The following PTPRD variants were observed in gnomAD, a reference collection of about 807,000 sequenced individuals.
The protein encoded by PTPRD is protein tyrosine phosphatase receptor type D.
A neutral mutation model predicts 214.5 loss-of-function variants in PTPRD; 34 were observed. That is an observed-to-expected ratio of 0.16 (90% CI 0.12 to 0.21). PTPRD has a LOEUF of 0.21. Ranked by LOEUF, PTPRD falls within the 10% of genes least tolerant of loss-of-function variation. PTPRD has a pLI of 1.00. For missense variants in PTPRD, 2,545 were observed against 2,398.7 expected, an observed-to-expected ratio of 1.06 and a Z score of -1.27; for synonymous variants, 1,128 against 845.7, an observed-to-expected ratio of 1.33 and a Z score of -5.79.
chr9:9,830,442 T>G (rs1325712296), intron 5 of PTPRD, among the ~76,000 whole-genome samples: 1 of 151,950 alleles, frequency 6.6e-6, no homozygotes, highest in African/African-American at 2.4e-5. Flanking sequence ...ACATAAAGTA[T>G]GATCCTATTT....
Position 9,710,288 on chromosome 9 carries a change from C to T in PTPRD, c.-287+24245G>A, listed in dbSNP as rs113771667. 9.1e-3 allele frequency among the ~76,000 whole-genome samples: 1,383 copies of T among 152,054 alleles called. 13 individuals carry two copies. Among genetic ancestry groups the T allele is most frequent in the Middle Eastern group, 0.02 (6 of 294 alleles). ...ATTTGGCTAATTTACATAGCTAATCCATAGCAAAAAGAAGGCAAAGCCCAG... is the reference window on the plus strand; with the variant it reads ...ATTTGGCTAATTTACATAGCTAATCTATAGCAAAAAGAAGGCAAAGCCCAG... On this transcript the variant is annotated intron_variant, in intron 7 of 45. Transcript: ENST00000381196.
intron 3 of PTPRD, among the ~76,000 whole-genome samples, chr9:10,156,794 T>G (rs2099096089): frequency 6.6e-6 from 1 of 152,184 alleles, no homozygotes; most frequent in African/African-American, 2.4e-5. Context: ...TTTTAAGAAC[T>G]TGCTTTATGA....
intron 9 of PTPRD, among the ~76,000 whole-genome samples, chr9:9,196,149 A>T (rs914681587): frequency 6.6e-6 from 1 of 152,168 alleles, no homozygotes; most frequent in Non-Finnish European, 1.5e-5. Flanking sequence ...TTATCTGCCC[A>T]TAAGAATAAA....
intron 14 of PTPRD, among the ~76,000 whole-genome samples, chr9:8,624,213 A>T (rs1180203370): frequency 6.6e-6 from 1 of 151,724 alleles, no homozygotes; most frequent in Non-Finnish European, 1.5e-5. Context: ...CAAATGTAAC[A>T]GGGGGAAAAA....
At chr9:9,322,907 T>A (rs546862623) in intron 9 of PTPRD, among the ~76,000 whole-genome samples, 1 of 152,328 alleles carries the variant, frequency 6.6e-6, no homozygotes, top group African/African-American at 2.4e-5. Flanking sequence ...ACAGTATTTC[T>A]GTATGCACAT....
chr9:8,766,954 A>G (rs569070509), intron 11 of PTPRD, among the ~76,000 whole-genome samples: 3 of 152,282 alleles, frequency 2.0e-5, no homozygotes, highest in African/African-American at 7.2e-5. Context: ...ACCTATCAAC[A>G]ATGTTAAGTG....
intron 14 of PTPRD, among the ~76,000 whole-genome samples, chr9:8,567,241 C>A (rs1386080955): frequency 6.6e-6 from 1 of 152,162 alleles, no homozygotes; most frequent in South Asian, 2.1e-4. Context: ...CAAGGCTGCT[C>A]TTATTTTTCA....
chr9:9,945,438 A>T (rs757063990), intron 4 of PTPRD, among the ~76,000 whole-genome samples: 18 of 152,182 alleles, frequency 1.2e-4, no homozygotes, highest in South Asian at 4.1e-4. Context: ...ATATGAAGAT[A>T]AAAATCAAGA....
At position 9,332,513 on chromosome 9, in the gene PTPRD, G is replaced by A. The variant is rs750240811; in HGVS notation, c.-203+64936C>T. 2.7e-5 allele frequency among the ~76,000 whole-genome samples: 4 copies of A among 150,780 alleles called. No individual in the cohort carries two copies. The South Asian group carries it at 6.3e-4, about 24-fold the overall frequency. On this transcript the variant is annotated intron_variant, in intron 9 of 45. Transcript: ENST00000381196. Reference sequence around the variant, plus strand: ...AATATAGAAAGTAAATGCGATAGTCGAGGAAAGATAATCTGTTTCATTTAT... The same window carrying A: ...AATATAGAAAGTAAATGCGATAGTCAAGGAAAGATAATCTGTTTCATTTAT...
chr9:10,031,700 C>G (rs2097081806), intron 4 of PTPRD, among the ~76,000 whole-genome samples: 2 of 141,114 alleles, frequency 1.4e-5, no homozygotes, highest in South Asian at 4.5e-4. Flanking sequence ...TTAGTTCTGT[C>G]CCTACTACAA....
intron 4 of PTPRD, among the ~76,000 whole-genome samples, chr9:10,025,544 A>G (rs1305312972): frequency 6.6e-6 from 1 of 152,202 alleles, no homozygotes; most frequent in Non-Finnish European, 1.5e-5. Flanking sequence ...TCATAGGAGA[A>G]TTCACATTTC....
rs35015743 is a variant in PTPRD, at chr9:9,352,310, CATAT to C, written c.-203+45135_-203+45138del. Among the ~76,000 whole-genome samples, 859 of 141,022 alleles carry C rather than the reference CATAT, an allele frequency of 6.1e-3. 8 individuals are homozygous for C. Among genetic ancestry groups the C allele is most frequent in the Non-Finnish European group, 7.6e-3 (501 of 66,238 alleles). 92.5% of individuals were successfully genotyped at this position (141,022 alleles called of 152,430 possible). A position where few individuals can be genotyped will look rare whatever the true frequency, so the allele number is the denominator to read the frequency against. ...AACACAAACAATACTGCCAAAAAACCATATATATATATATATATGTGTGTGTGTG... is the reference window on the plus strand; with the variant it reads ...AACACAAACAATACTGCCAAAAAACCATATATATATATATGTGTGTGTGTG... On this transcript the variant is annotated intron_variant, in intron 9 of 45. Coordinates refer to ENST00000381196, the MANE Select transcript of PTPRD (RefSeq NM_002839.4).
At chr9:10,366,054 T>C (rs901878802) in intron 2 of PTPRD, among the ~76,000 whole-genome samples, 14 of 152,276 alleles carry the variant, frequency 9.2e-5, no homozygotes, top group Non-Finnish European at 1.9e-4. Flanking sequence ...CAACATAGAT[T>C]TCATTATCAG....
intron 8 of PTPRD, among the ~76,000 whole-genome samples, chr9:9,513,167 C>T (rs2096750558): frequency 6.6e-6 from 1 of 151,850 alleles, no homozygotes; most frequent in Non-Finnish European, 1.5e-5. Flanking sequence ...TAAATGGCCA[C>T]AGTCTTTTCA....
At chr9:9,124,534 A>C (rs1034751978) in intron 10 of PTPRD, among the ~76,000 whole-genome samples, 3 of 152,208 alleles carry the variant, frequency 2.0e-5, no homozygotes, top group African/African-American at 7.2e-5. Context: ...AAGACTAAAA[A>C]CAATCAAGCA....
intron 11 of PTPRD, among the ~76,000 whole-genome samples, chr9:9,008,334 T>G (rs999825761): frequency 6.6e-6 from 1 of 151,556 alleles, no homozygotes; most frequent in Non-Finnish European, 1.5e-5. Context: ...TTCATGTCAC[T>G]CTCCTGCCTC....
At chr9:10,243,680 T>C (rs1450402217) in intron 3 of PTPRD, among the ~76,000 whole-genome samples, 2 of 151,966 alleles carry the variant, frequency 1.3e-5, no homozygotes, top group Non-Finnish European at 2.9e-5. Flanking sequence ...ATAGTAACAA[T>C]AGTAACTACA....
chr9:9,442,975 A>G (rs186182508), intron 8 of PTPRD, among the ~76,000 whole-genome samples: 198 of 152,134 alleles, frequency 1.3e-3, no homozygotes, highest in African/African-American at 4.6e-3. Flanking sequence ...GTACATATAT[A>G]TGTGTGTGTG....
At chr9:9,595,351 T>A (rs910131353) in intron 7 of PTPRD, among the ~76,000 whole-genome samples, 24 of 146,224 alleles carry the variant, frequency 1.6e-4, no homozygotes, top group Non-Finnish European at 1.6e-4. Context: ...TGTATATTCA[T>A]CATATATATG....
Sources: gnomAD v4.1 joint callset for allele counts (sites outside exome capture counted in the v4.1 genomes callset) on GRCh38, gnomAD v4.1.1 for gene constraint, MANE v1.5 for transcripts, NCBI Gene and HGNC (gene_info 2026-07-23, HGNC 2026-07-21) for gene names.